Variants in AGO1 observed in about 807,000 individuals in gnomAD.
The protein encoded by AGO1 is protein argonaute-1.
AGO1 carries 11 observed loss-of-function variants against 109.2 expected under a neutral mutation model. The observed-to-expected ratio is 0.10, with a 90% CI of 0.06 to 0.17. AGO1 has a LOEUF of 0.17. Among genes scored for constraint, AGO1 ranks in the 10% least tolerant of loss-of-function variants. The pLI is 1.00. For missense variants in AGO1, 574 were observed against 1,140.3 expected (o/e 0.50, Z 7.15); for synonymous variants, 422 against 418.6 (o/e 1.01, Z -0.10).
chr1:35,919,390 G>A lies in AGO1; in HGVS notation c.2466-109G>A, dbSNP rs188951426. The A allele has an allele frequency of 6.8e-7, 1 of 1,461,830 alleles. No homozygotes were observed. Among genetic ancestry groups the A allele is most frequent in the African/African-American group, 1.4e-5 (1 of 71,282 alleles). The allele number at this position is 1,461,830 out of a possible 1,614,324, so 90.6% of individuals were successfully genotyped here. ...GGCTCGTCTGCCCAATCCTGGGTTG[G>A]GTTTCTCTCTTAAGTTGGTATGGGA... On this transcript the variant is annotated intron_variant, in intron 18 of 18. Transcript: ENST00000373204. The surrounding 1 kb of genome is among the most constrained non-coding windows in gnomAD (Gnocchi z 6.6).
chr1:35,902,161 C>T, intron 10 of AGO1, 43 bp from the exon 11 acceptor site: 2 of 1,599,512 alleles, frequency 1.3e-6, no homozygotes, highest in East Asian at 2.2e-5. Flanking sequence ...ACCCACCTGA[C>T]TCTACTGAGG....
At chr1:35,882,382 GA>G (rs1053273853), upstream of AGO1, among the ~76,000 whole-genome samples, 2 of 152,166 alleles carry the variant, frequency 1.3e-5, no homozygotes, top group African/African-American at 4.8e-5. This position sits in a 1 kb window ranked among gnomAD's most constrained non-coding sequence, Gnocchi z 5.1. Flanking sequence ...GGGCCCTTTA[GA>G]AAGACTGAAA....
intron 12 of AGO1, 102 bp downstream of exon 12, chr1:35,907,221 C>A: frequency 8.9e-7 from 1 of 1,128,200 alleles, no homozygotes; most frequent in Non-Finnish European, 1.2e-6. Context: ...TGGCTTTGAC[C>A]AGAGCTGTTA....
At position 35,894,389 on chromosome 1, in the gene AGO1, G is replaced by C. The variant is rs761517181; in HGVS notation, c.859G>C (p.Ala287Pro). The C allele has an allele frequency of 6.2e-7, 1 of 1,614,122 alleles. No homozygotes were observed. The highest frequency in any genetic ancestry group is 8.5e-7 in the Non-Finnish European group (1 of 1,179,994). ...CGTGTGTAATGTTACCCGTCGCCCT[G>C]CTAGCCATCAGACGTAAGTTGGCAG... ...YRVCNVTRRPASHQTFPLQLE... is the reference protein window; with the variant it reads ...YRVCNVTRRPPSHQTFPLQLE... Residue 287 changes from alanine (A) to proline (P), a missense_variant, in exon 7 of 19, where the codon GCT (alanine) becomes CCT (proline). Around this residue, in one of 8 missense-constraint regions of AGO1, gnomAD observed 42 missense variants for 142.4 expected, o/e 0.29. Coordinates refer to ENST00000373204, the MANE Select transcript of AGO1 (RefSeq NM_012199.5).
intron 2 of AGO1, among the ~76,000 whole-genome samples, chr1:35,889,068 T>C (rs1463115816): frequency 2.0e-5 from 3 of 150,644 alleles, no homozygotes; most frequent in Non-Finnish European, 4.4e-5. Context: ...GGGATGTCCT[T>C]GATGAGGCAG....
chr1:35,883,135 G>T (rs1571336936), upstream of AGO1: 3 of 1,111,026 alleles, frequency 2.7e-6, no homozygotes, highest in Non-Finnish European at 3.3e-6. This position sits in a 1 kb window ranked among gnomAD's most constrained non-coding sequence, Gnocchi z 5.4. Flanking sequence ...CTCTCCATTG[G>T]CCTTTGTTGC....
Position 35,901,879 on chromosome 1 carries a change from T to C in AGO1, c.1141-69T>C. 6.6e-7 allele frequency: 1 copy of C among 1,524,454 alleles called. No homozygotes were observed. Among genetic ancestry groups the C allele is most frequent in the Non-Finnish European group, 8.8e-7 (1 of 1,137,144 alleles). The allele number at this position is 1,524,454 out of a possible 1,614,324, so 94.4% of individuals were successfully genotyped here. A position where few individuals can be genotyped will look rare whatever the true frequency, so the allele number is the denominator to read the frequency against. On this transcript the variant is annotated intron_variant, in intron 9 of 18. Coordinates refer to ENST00000373204, the MANE Select transcript of AGO1 (RefSeq NM_012199.5). The surrounding 1 kb of genome is among the most constrained non-coding windows in gnomAD (Gnocchi z 4.8). ...CAGCTTCTCCTTAGGGTTCTCTCCT[T>C]GATACCCAGAGGGTGAGCAGTATTG...
Position 35,926,384 on chromosome 1 carries a change from A to G in AGO1, c.*6777A>G, listed in dbSNP as rs1250980066. ...GAGCATCCTTCCTTCTGCTCTGTCA[A>G]TTGGCAAAATATGCTGGAGCACATT... On this transcript the variant is annotated 3_prime_UTR_variant, in exon 19 of 19. Transcript: ENST00000373204. 3 of 152,042 alleles carry G rather than the reference A, an allele frequency of 2.0e-5. No individual in the cohort carries two copies. The highest frequency in any genetic ancestry group is 4.4e-5 in the Non-Finnish European group (3 of 68,032). 9.4% of individuals were successfully genotyped at this position (152,042 alleles called of 1,614,324 possible).
At chr1:35,890,511 C>A (rs1469610712) in intron 2 of AGO1, among the ~76,000 whole-genome samples, 1 of 152,136 alleles carries the variant, frequency 6.6e-6, no homozygotes, top group Non-Finnish European at 1.5e-5. Context: ...CTGCCTCATT[C>A]TTTTGCATAG....
chr1:35,918,908 G>T (rs1645782942), intron 17 of AGO1, 147 bp from the exon 18 acceptor site: 1 of 737,884 alleles, frequency 1.4e-6, no homozygotes, highest in Non-Finnish European at 2.3e-6. Flanking sequence ...CTTATAAGAA[G>T]AGTGCTTTAT....
chr1:35,930,259 C>T lies in AGO1; in HGVS notation c.*10652C>T, dbSNP rs1646009749. On this transcript the variant is annotated 3_prime_UTR_variant, in exon 19 of 19. Transcript: ENST00000373204. ...TAGATGGGTGGTCCGGAAAAGGCGT[C>T]TCAGATGTCTTTCGTTGAGACGCAA... 3 of 152,086 alleles carry T rather than the reference C, an allele frequency of 2.0e-5. No homozygotes were observed. 9.4% of individuals were successfully genotyped at this position (152,086 alleles called of 1,614,324 possible).
rs1279377663 is a variant in AGO1 at position 35,883,796 on chromosome 1, C to T, written c.25+350C>T. ...TCCAGGTGTCCAGGAGAGGAGGGGG[C>T]GACACAGATGGGCCTGGAGCTACCG... is the stretch of plus-strand genomic sequence containing the variant. On this transcript the variant is annotated intron_variant, in intron 1 of 18. Transcript: ENST00000373204. This position sits in a 1 kb window ranked among gnomAD's most constrained non-coding sequence, Gnocchi z 5.4. 6.6e-6 allele frequency among the ~76,000 whole-genome samples: 1 copy of T among 152,122 alleles called. No individual in the cohort carries two copies. The highest frequency in any genetic ancestry group is 1.5e-5 in the Non-Finnish European group (1 of 68,024).
intron 12 of AGO1, among the ~76,000 whole-genome samples, chr1:35,907,502 G>A (rs745413355): frequency 6.6e-6 from 1 of 152,012 alleles, no homozygotes; most frequent in Non-Finnish European, 1.5e-5. Context: ...TGTTAGTATC[G>A]TGTTGCCTGG....
rs116539156 is a variant in AGO1 at position 35,915,564 on chromosome 1, G to A, written c.2028+22G>A. ...CCAGGTAGGGCCCACAGTAGGTGGA[G>A]AAAACCTTCACATCATGGCTGGAAA... On this transcript the variant is annotated intron_variant, in intron 15 of 18. Coordinates refer to ENST00000373204, the MANE Select transcript of AGO1 (RefSeq NM_012199.5). 6.4e-3 allele frequency: 10,330 copies of A among 1,607,100 alleles called. 46 individuals carry two copies. Among genetic ancestry groups the A allele is most frequent in the Non-Finnish European group, 7.9e-3 (9,281 of 1,175,362 alleles).
chr1:35,888,319 C>A lies in AGO1; in HGVS notation c.26-108C>A. 1.8e-6 allele frequency: 2 copies of A among 1,124,738 alleles called. No homozygotes were observed. Among genetic ancestry groups the A allele is most frequent in the Non-Finnish European group, 1.3e-6 (1 of 786,150 alleles). The allele number at this position is 1,124,738 out of a possible 1,614,324, so 69.7% of individuals were successfully genotyped here. A position where few individuals can be genotyped will look rare whatever the true frequency, so the allele number is the denominator to read the frequency against. On this transcript the variant is annotated intron_variant, in intron 1 of 18. Coordinates refer to ENST00000373204, the MANE Select transcript of AGO1 (RefSeq NM_012199.5). This position sits in a 1 kb window ranked among gnomAD's most constrained non-coding sequence, Gnocchi z 4.1. ...GCTGGGTTGGGTAGCAGGAAAGAGG[C>A]ATTCTCTATACTCTCGTGTTCCTGT...
intron 11 of AGO1, among the ~76,000 whole-genome samples, chr1:35,905,035 C>A (rs181123088): frequency 2.6e-5 from 4 of 152,314 alleles, no homozygotes; most frequent in Admixed American, 6.5e-5. Flanking sequence ...TTAGCTATAT[C>A]ACCTTTAAGA....
At chr1:35,908,573 C>G (rs754209439) in intron 12 of AGO1, among the ~76,000 whole-genome samples, 23 of 152,110 alleles carry the variant, frequency 1.5e-4, no homozygotes, top group Non-Finnish European at 2.9e-4. Flanking sequence ...ATGAATAAAA[C>G]AGATATAGTC....
Position 35,883,563 on chromosome 1 carries a change from G to A in AGO1, c.25+117G>A. The A allele has an allele frequency of 7.2e-7, 1 of 1,379,574 alleles. No individual in the cohort carries two copies. Among genetic ancestry groups the A allele is most frequent in the Non-Finnish European group, 9.5e-7 (1 of 1,057,454 alleles). The allele number at this position is 1,379,574 out of a possible 1,614,324, so 85.5% of individuals were successfully genotyped here. On this transcript the variant is annotated intron_variant, in intron 1 of 18. Transcript: ENST00000373204. This position sits in a 1 kb window ranked among gnomAD's most constrained non-coding sequence, Gnocchi z 5.4. ...TGAGTGAGGAGAAGGGCTCTCCCAC[G>A]ATGGGGGCCCAGTTTGAAGGAGGCT...
intron 8 of AGO1, among the ~76,000 whole-genome samples, chr1:35,896,835 A>C (rs1233003708): frequency 6.6e-6 from 1 of 152,250 alleles, no homozygotes; most frequent in Non-Finnish European, 1.5e-5. Flanking sequence ...TGAAGGCAAC[A>C]TGTTCTCTGA....
Sources: allele counts gnomAD v4.1 joint callset (sites outside exome capture counted in the v4.1 genomes callset), GRCh38; gene constraint gnomAD v4.1.1; regional missense constraint gnomAD v4.1.1; non-coding constraint Gnocchi (gnomAD v3.1); transcripts MANE v1.5; gene names NCBI Gene and HGNC (gene_info 2026-07-23, HGNC 2026-07-21).